The following GABRG2 variants were observed in gnomAD, a reference collection of about 807,000 sequenced individuals.
GABRG2 encodes gamma-aminobutyric acid receptor subunit gamma-2.
A neutral mutation model predicts 56.4 loss-of-function variants in GABRG2; 16 were observed. The observed-to-expected ratio is 0.28, with a 90% CI of 0.19 to 0.43. The LOEUF is 0.43. Among genes scored for constraint, GABRG2 ranks in the 20% least tolerant of loss-of-function variants. The probability of loss-of-function intolerance (pLI) is 1.00; values close to 1 mark genes in which losing one functional copy is unlikely to be tolerated. For missense variants in GABRG2, 327 were observed against 582.7 expected (o/e 0.56, Z 4.52); for synonymous variants, 208 against 205.5 (o/e 1.01, Z -0.10).
upstream of GABRG2, chr5:162,067,646 G>T (rs551085504): frequency 7.2e-6 from 4 of 557,426 alleles, no homozygotes; most frequent in Non-Finnish European, 1.3e-5. Flanking sequence ...GAACGCGTAA[G>T]TGTGAGGGGC....
At chr5:162,152,863 A>G (rs375627880) in intron 9 of GABRG2, 2 of 606,890 alleles carry the variant, frequency 3.3e-6, no homozygotes, top group Admixed American at 2.9e-5. Flanking sequence ...TGCTATAGCT[A>G]TTAGCTTGAT....
chr5:162,105,342 G>T (rs537500783), intron 6 of GABRG2, among the ~76,000 whole-genome samples: 22 of 151,760 alleles, frequency 1.4e-4, no homozygotes, highest in African/African-American at 5.1e-4. Flanking sequence ...CTGAAAGAAG[G>T]TCATAGTAAT....
At chr5:162,081,354 C>T (rs1478219147) in intron 1 of GABRG2, among the ~76,000 whole-genome samples, 2 of 151,986 alleles carry the variant, frequency 1.3e-5, no homozygotes, top group South Asian at 2.1e-4. Flanking sequence ...TATCATACAG[C>T]ATAATTGACC....
intron 1 of GABRG2, among the ~76,000 whole-genome samples, chr5:162,090,115 C>CCTA (rs1375757528): frequency 4.6e-5 from 7 of 151,856 alleles, no homozygotes; most frequent in Non-Finnish European, 1.0e-4. Flanking sequence ...TGTAATCATG[C>CCTA]CTAAATTCAA....
chr5:162,106,806 G>GA (rs1474131964), intron 6 of GABRG2, among the ~76,000 whole-genome samples: 7 of 151,686 alleles, frequency 4.6e-5, no homozygotes, highest in South Asian at 2.1e-4. Context: ...TCTTTAAATT[G>GA]ATTCATGTGG....
intron 6 of GABRG2, 124 bp downstream of exon 6, chr5:162,104,150 T>C: frequency 1.1e-6 from 1 of 882,766 alleles, no homozygotes; most frequent in Non-Finnish European, 1.8e-6. Flanking sequence ...TGAAGTGTTT[T>C]AACTTTCTAG....
intron 3 of GABRG2, among the ~76,000 whole-genome samples, chr5:162,096,613 T>C (rs895856344): frequency 3.3e-5 from 5 of 152,100 alleles, no homozygotes; most frequent in African/African-American, 1.2e-4. Context: ...AAGGGTGGAA[T>C]GACTTACAGG....
At chr5:162,082,811 A>G (rs1759770134) in intron 1 of GABRG2, among the ~76,000 whole-genome samples, 2 of 151,614 alleles carry the variant, frequency 1.3e-5, no homozygotes, top group Admixed American at 1.3e-4. Flanking sequence ...TAACAACAAG[A>G]AGAAAAAATA....
At chr5:162,143,243 G>A (rs1165325569) in intron 7 of GABRG2, among the ~76,000 whole-genome samples, 1 of 152,182 alleles carries the variant, frequency 6.6e-6, no homozygotes, top group Non-Finnish European at 1.5e-5. Flanking sequence ...CACGCCATTG[G>A]CTGTTGGCTA....
intron 6 of GABRG2, among the ~76,000 whole-genome samples, chr5:162,140,767 A>T (rs1343423279): frequency 6.6e-6 from 1 of 152,224 alleles, no homozygotes; most frequent in Non-Finnish European, 1.5e-5. Context: ...AGAATATTTT[A>T]AAAAGATGTA....
chr5:162,083,666 G>GT (rs540196443), intron 1 of GABRG2: 227 of 154,952 alleles, frequency 1.5e-3, no homozygotes, highest in Admixed American at 2.2e-3. Context: ...TTTAAGCGTT[G>GT]TTTTTTTCCT....
intron 1 of GABRG2, among the ~76,000 whole-genome samples, chr5:162,072,924 T>C (rs1434018201): frequency 1.3e-5 from 2 of 151,980 alleles, no homozygotes; most frequent in Non-Finnish European, 2.9e-5. Context: ...TCATAATAAC[T>C]TGGGTTTTTA....
Position 162,153,591 on chromosome 5 carries a change from C to A in GABRG2, c.*223C>A. 1 of 607,226 alleles carries A rather than the reference C, an allele frequency of 1.6e-6. No homozygotes were observed. Among genetic ancestry groups the A allele is most frequent in the Non-Finnish European group, 2.9e-6 (1 of 343,978 alleles). The allele number at this position is 607,226 out of a possible 1,614,324, so 37.6% of individuals were successfully genotyped here. A position where few individuals can be genotyped will look rare whatever the true frequency, so the allele number is the denominator to read the frequency against. On this transcript the variant is annotated 3_prime_UTR_variant, in exon 10 of 10. Coordinates refer to ENST00000639213, the MANE Select transcript of GABRG2 (RefSeq NM_198904.4). The stretch of plus-strand genomic sequence containing the variant: ...TTTGCTGTGTTTCAAACCTGCAAGG[C>A]AAAGTAAAATTAGAGCAAGAACATT...
chr5:162,073,299 G>T (rs1249883355), intron 1 of GABRG2, among the ~76,000 whole-genome samples: 6 of 151,670 alleles, frequency 4.0e-5, no homozygotes, highest in Non-Finnish European at 8.8e-5. Context: ...ATATTAAATG[G>T]AATTATTTAG....
intron 8 of GABRG2, chr5:162,151,064 A>G (rs1266762680): frequency 6.6e-6 from 1 of 152,296 alleles, no homozygotes; most frequent in Non-Finnish European, 1.5e-5. Context: ...TGGCTTTCAA[A>G]CAAGTTCTGA....
At chr5:162,078,572 A>C (rs1759385040) in intron 1 of GABRG2, among the ~76,000 whole-genome samples, 1 of 150,418 alleles carries the variant, frequency 6.6e-6, no homozygotes, top group African/African-American at 2.4e-5. Context: ...TGCCCGGATA[A>C]TTTTTTACAT....
chr5:162,082,915 G>A (rs1390521903), intron 1 of GABRG2, among the ~76,000 whole-genome samples: 2 of 151,576 alleles, frequency 1.3e-5, no homozygotes, highest in East Asian at 3.9e-4. Flanking sequence ...CTTAGTAGTA[G>A]TCTTCTAGAA....
intron 5 of GABRG2, chr5:162,102,484 C>A: frequency 6.6e-6 from 3 of 453,926 alleles, no homozygotes; most frequent in South Asian, 4.7e-5. Context: ...CAGTCACCAG[C>A]ACATTCTCTG....
intron 6 of GABRG2, among the ~76,000 whole-genome samples, chr5:162,126,852 A>C (rs371629006): frequency 6.6e-6 from 1 of 151,990 alleles, no homozygotes; most frequent in African/African-American, 2.4e-5. Flanking sequence ...GCACTTTGCA[A>C]TCTGGAACTC....
Sources: allele counts gnomAD v4.1 joint callset (sites outside exome capture counted in the v4.1 genomes callset), GRCh38; gene constraint gnomAD v4.1.1; transcripts MANE v1.5; gene names NCBI Gene and HGNC (gene_info 2026-07-23, HGNC 2026-07-21).